INSL6: variants seen among roughly 807,000 people sequenced by gnomAD.
The protein encoded by INSL6 is insulin like 6.
INSL6 carries 16 observed loss-of-function variants against 9.4 expected under a neutral mutation model. The observed-to-expected ratio is 1.70, with a 90% CI of 1.15 to 2.59. INSL6 has a LOEUF of 2.59. INSL6 is among the 30% of genes most tolerant of loss of function. INSL6 has a pLI of 0.00. For missense variants in INSL6, 391 were observed against 257.3 expected (o/e 1.52, Z -3.56); for synonymous variants, 154 against 96.9 (o/e 1.59, Z -3.46).
At chr9:5,046,350 C>T in the INSL6 span, among the ~76,000 whole-genome samples, 11 of 152,222 alleles carry the variant, frequency 7.2e-5, no homozygotes, top group African/African-American at 2.4e-4. Context: ...TTTTCCCATT[C>T]TCTAGGTTGC....
At chr9:5,058,280 T>C in the INSL6 span, among the ~76,000 whole-genome samples, 2 of 152,206 alleles carry the variant, frequency 1.3e-5, no homozygotes, top group East Asian at 1.9e-4. Flanking sequence ...GAGGGTTTAA[T>C]TGACTCGCAG....
chr9:5,080,515 G>T, the INSL6 span: 2 of 1,571,548 alleles, frequency 1.3e-6, no homozygotes, highest in Non-Finnish European at 1.7e-6. Flanking sequence ...TTCTCAGTTT[G>T]TGGTTCTTTA....
chr9:5,053,113 T>C, the INSL6 span, among the ~76,000 whole-genome samples: 1 of 152,142 alleles, frequency 6.6e-6, no homozygotes, highest in Non-Finnish European at 1.5e-5. Context: ...ACACTAGCAG[T>C]ACATGAAGAG....
the INSL6 span, among the ~76,000 whole-genome samples, chr9:5,083,279 G>A: frequency 3.9e-5 from 6 of 152,152 alleles, no homozygotes; most frequent in East Asian, 1.9e-4. Flanking sequence ...CTATTAAAAC[G>A]TCACACAGTC....
At chr9:5,151,578 CATT>C (rs1655406126) in intron 2 of INSL6, among the ~76,000 whole-genome samples, 1 of 151,932 alleles carries the variant, frequency 6.6e-6, no homozygotes, top group African/African-American at 2.4e-5. Flanking sequence ...AGTGAGATCT[CATT>C]ATTTGAAGTT....
chr9:5,044,120 A>T, the INSL6 span, among the ~76,000 whole-genome samples: 5 of 152,220 alleles, frequency 3.3e-5, no homozygotes, highest in South Asian at 1.0e-3. Flanking sequence ...CTATGTTTTT[A>T]ACTTTTTGTT....
chr9:5,046,803 A>G, the INSL6 span, among the ~76,000 whole-genome samples: 1 of 151,294 alleles, frequency 6.6e-6, no homozygotes, highest in South Asian at 2.1e-4. Context: ...AAAACAGGAT[A>G]TTATGAGGTT....
At chr9:5,041,215 G>A in the INSL6 span, 122 of 1,467,548 alleles carry the variant, frequency 8.3e-5, no homozygotes, top group South Asian at 1.3e-3. Context: ...AGAACTTCCT[G>A]GTGGGGCGCC....
the INSL6 span, among the ~76,000 whole-genome samples, chr9:5,003,034 TTAGGTAACTG>T: frequency 5.9e-5 from 9 of 152,018 alleles, no homozygotes; most frequent in Non-Finnish European, 1.2e-4. Context: ...CTGTTCCAAA[TTAGGTAACTG>T]TATGTGAGTA....
rs12343380 is a variant in INSL6 at position 5,150,146 on chromosome 9, A to G, written c.376+14033T>C. ...TCAGAACTGAAACTATAAACATTCT[A>G]GAAGAAAATCTCAGAAAAACTTTTC... On this transcript the variant is annotated intron_variant, in intron 2 of 3. Coordinates refer to the INSL6 transcript ENST00000649639. Among the ~76,000 whole-genome samples, 268 of 152,370 alleles carry G rather than the reference A, an allele frequency of 1.8e-3. 1 individual carries two copies. The highest frequency in any genetic ancestry group is 6.1e-3 in the African/African-American group (255 of 41,590).
chr9:5,175,100 C>T (rs1235975059), intron 1 of INSL6, among the ~76,000 whole-genome samples: 1 of 152,076 alleles, frequency 6.6e-6, no homozygotes, highest in Admixed American at 6.6e-5. Flanking sequence ...CCACCACGCC[C>T]AGCAAATTTT....
the INSL6 span, chr9:5,078,411 C>T: frequency 6.2e-7 from 1 of 1,612,890 alleles, no homozygotes; most frequent in East Asian, 2.2e-5. Context: ...ACTTAGTGAT[C>T]CTGGCATTAG....
At chr9:5,170,519 C>A (rs775465544) in intron 1 of INSL6, among the ~76,000 whole-genome samples, 4 of 147,750 alleles carry the variant, frequency 2.7e-5, no homozygotes, top group Non-Finnish European at 5.9e-5. Flanking sequence ...AGACCAGAGA[C>A]ACGAAAAACC....
intron 2 of INSL6, among the ~76,000 whole-genome samples, chr9:5,154,961 C>G (rs1488073158): frequency 6.6e-6 from 1 of 152,032 alleles, no homozygotes; most frequent in Non-Finnish European, 1.5e-5. Flanking sequence ...TTGACCCAGC[C>G]ATCCCATTAC....
the INSL6 span, chr9:5,111,931 A>G: frequency 5.7e-6 from 2 of 349,236 alleles, no homozygotes; most frequent in African/African-American, 4.4e-5. Context: ...TACTCTCCGG[A>G]TCACTCAAGC....
intron 3 of INSL6, among the ~76,000 whole-genome samples, chr9:5,125,255 TATAA>T (rs1366508448): frequency 1.3e-5 from 2 of 151,026 alleles, no homozygotes; most frequent in Non-Finnish European, 3.0e-5. Context: ...AGTTCACTTA[TATAA>T]ATATATATTA....
At chr9:5,078,234 G>A in the INSL6 span, 1 of 1,227,758 alleles carries the variant, frequency 8.1e-7, no homozygotes, top group Non-Finnish European at 1.1e-6. Flanking sequence ...TCTGTTTTGG[G>A]GGCTTGAACA....
At chr9:5,001,359 T>G in the INSL6 span, among the ~76,000 whole-genome samples, 74 of 152,292 alleles carry the variant, frequency 4.9e-4, no homozygotes, top group African/African-American at 1.5e-3. Context: ...GGAAATTCCC[T>G]TCTTTTTCTA....
At chr9:5,021,872 A>C in the INSL6 span, 1 of 672,246 alleles carries the variant, frequency 1.5e-6, no homozygotes. Flanking sequence ...GGCTCAAGCT[A>C]TCTGCCCGCC....
Sources: allele counts gnomAD v4.1 joint callset (sites outside exome capture counted in the v4.1 genomes callset), GRCh38; gene constraint gnomAD v4.1.1; transcripts MANE v1.5; gene names NCBI Gene and HGNC (gene_info 2026-07-23, HGNC 2026-07-21).